MYO1B: variants seen among roughly 807,000 people sequenced by gnomAD.
MYO1B encodes the protein myosin IB.
MYO1B carries 72 observed loss-of-function variants against 159.7 expected under a neutral mutation model. The ratio of observed to expected loss-of-function variants is 0.45; its 90% CI spans 0.37 to 0.55. The LOEUF (loss-of-function observed/expected upper bound fraction) is 0.55. Among genes scored for constraint, MYO1B ranks in the 20% least tolerant of loss-of-function variants. The probability of loss-of-function intolerance (pLI) is 0.00; values close to 1 mark genes in which losing one functional copy is unlikely to be tolerated. For synonymous variants in MYO1B, 468 were observed against 473.8 expected, an observed-to-expected ratio of 0.99 and a Z score of 0.16; for missense variants, 1,062 against 1,364.8, an observed-to-expected ratio of 0.78 and a Z score of 3.50.
chr2:191,347,750 G>C lies in MYO1B; in HGVS notation c.498+1468G>C, dbSNP rs141060560. 8.8e-3 allele frequency among the ~76,000 whole-genome samples: 1,347 copies of C among 152,246 alleles called. 13 individuals carry two copies. Among genetic ancestry groups the C allele is most frequent in the African/African-American group, 0.03 (1,260 of 41,536 alleles). On this transcript the variant is annotated intron_variant, in intron 6 of 30. Transcript: ENST00000392318. ...TTCTCTGCTTTGTGGTCTGTGACTT[G>C]ACTAGTAATATACCCATGTTTTAAT... is the stretch of plus-strand genomic sequence containing the variant.
At chr2:191,356,335 T>C (rs1226698710) in intron 7 of MYO1B, among the ~76,000 whole-genome samples, 1 of 131,834 alleles carries the variant, frequency 7.6e-6, no homozygotes, top group Non-Finnish European at 1.6e-5. Flanking sequence ...AAGGCTGGGC[T>C]TCTTTTTTTT....
chr2:191,260,254 C>CTTTTTTTTTTT (rs57237733), intron 1 of MYO1B, among the ~76,000 whole-genome samples: 22,105 of 60,102 alleles, frequency 0.37, 8,411 homozygotes, highest in South Asian at 0.71. Context: ...CCCAGATAGG[C>CTTTTTTTTTTT]TTTTTTTTTT....
intron 2 of MYO1B, among the ~76,000 whole-genome samples, chr2:191,291,308 G>T (rs1211675013): frequency 6.6e-6 from 1 of 152,164 alleles, no homozygotes; most frequent in African/African-American, 2.4e-5. Context: ...TTGAAATCTA[G>T]GAAGGTCGAG....
intron 2 of MYO1B, among the ~76,000 whole-genome samples, chr2:191,281,329 G>A (rs1688046536): frequency 6.6e-6 from 1 of 152,146 alleles, no homozygotes; most frequent in South Asian, 2.1e-4. Context: ...GAGATGAGAT[G>A]GGGGAAATGC....
At chr2:191,393,033 C>T in intron 19 of MYO1B, 40 bp from the exon 20 acceptor site, 1 of 1,585,452 alleles carries the variant, frequency 6.3e-7, no homozygotes, top group South Asian at 1.1e-5. Context: ...TGTGAGGTTT[C>T]AGAGGATTTT....
At chr2:191,371,167 A>C (rs1376612053) in intron 13 of MYO1B, 1 of 152,172 alleles carries the variant, frequency 6.6e-6, no homozygotes, top group African/African-American at 2.4e-5. Context: ...TAAGAAGTAG[A>C]TCGGGCTCCT....
intron 20 of MYO1B, among the ~76,000 whole-genome samples, chr2:191,395,214 C>T (rs552703188): frequency 6.6e-6 from 1 of 152,232 alleles, no homozygotes; most frequent in South Asian, 2.1e-4. Context: ...AGCTGTTCTA[C>T]AGCTACATCT....
chr2:191,356,123 C>T (rs1693261627), intron 7 of MYO1B, among the ~76,000 whole-genome samples: 2 of 151,984 alleles, frequency 1.3e-5, no homozygotes, highest in South Asian at 4.2e-4. Flanking sequence ...CATGAAACTG[C>T]CTGTTAGAAC....
intron 7 of MYO1B, among the ~76,000 whole-genome samples, chr2:191,354,256 A>AAAT (rs71030337): frequency 0.12 from 17,597 of 143,684 alleles, 1,054 homozygotes; most frequent in East Asian, 0.16. Flanking sequence ...ACTCCGTCTT[A>AAAT]AATAATAATA....
At chr2:191,321,968 C>T (rs1690745529) in intron 3 of MYO1B, among the ~76,000 whole-genome samples, 1 of 152,130 alleles carries the variant, frequency 6.6e-6, no homozygotes, top group Non-Finnish European at 1.5e-5. Context: ...GATGACCTCA[C>T]CCCTGCTTCC....
At chr2:191,308,638 C>T (rs1689797596) in intron 3 of MYO1B, among the ~76,000 whole-genome samples, 1 of 152,136 alleles carries the variant, frequency 6.6e-6, no homozygotes, top group South Asian at 2.1e-4. Flanking sequence ...CCATTTGTTT[C>T]CTTTATTACC....
chr2:191,414,752 G>A, intron 29 of MYO1B, 83 bp downstream of exon 29: 1 of 1,453,382 alleles, frequency 6.9e-7, no homozygotes, highest in Non-Finnish European at 9.1e-7. Context: ...TCCTATCGCA[G>A]TTTATATATC....
At chr2:191,289,568 A>T (rs1169246265) in intron 2 of MYO1B, among the ~76,000 whole-genome samples, 3 of 152,212 alleles carry the variant, frequency 2.0e-5, no homozygotes, top group Admixed American at 1.3e-4. Context: ...ACTGAAATTC[A>T]TCCTGAAGAA....
At chr2:191,322,922 G>A (rs1271527488) in intron 3 of MYO1B, among the ~76,000 whole-genome samples, 1 of 152,144 alleles carries the variant, frequency 6.6e-6, no homozygotes, top group African/African-American at 2.4e-5. Flanking sequence ...TATAGACAGA[G>A]AAGCCCCAAG....
intron 1 of MYO1B, among the ~76,000 whole-genome samples, chr2:191,275,420 G>A (rs1687693315): frequency 6.6e-6 from 1 of 151,818 alleles, no homozygotes. Context: ...TATGTTTGTG[G>A]GTTCATATAA....
chr2:191,370,295 A>G lies in MYO1B; in HGVS notation c.1185+3A>G, dbSNP rs1228753832. 1.2e-6 allele frequency: 2 copies of G among 1,611,194 alleles called. No homozygotes were observed. Among genetic ancestry groups the G allele is most frequent in the Admixed American group, 3.3e-5 (2 of 59,916 alleles). On this transcript the variant is annotated splice_donor_region_variant and intron_variant, in intron 13 of 30. Transcript: ENST00000392318. ...TTTATGGCTTTGAGATTTTCGAGGT[A>G]AGATTTAAAATTTTTTTTGTATTGT...
intron 1 of MYO1B, among the ~76,000 whole-genome samples, chr2:191,266,293 T>A (rs970124310): frequency 6.6e-6 from 1 of 152,194 alleles, no homozygotes; most frequent in African/African-American, 2.4e-5. Flanking sequence ...TCTAATGAGT[T>A]TGCTCTCTCA....
At chr2:191,307,968 A>T (rs534622137) in intron 3 of MYO1B, among the ~76,000 whole-genome samples, 72 of 152,084 alleles carry the variant, frequency 4.7e-4, no homozygotes, top group Non-Finnish European at 8.7e-4. Flanking sequence ...AGATCCCTCC[A>T]TCTCCCCAAA....
chr2:191,423,410 A>G, intron 30 of MYO1B, among the ~76,000 whole-genome samples: 1 of 152,192 alleles, frequency 6.6e-6, no homozygotes, highest in Non-Finnish European at 1.5e-5. Flanking sequence ...TAGGACCCCC[A>G]TCGTATATGA....
Sources: gnomAD v4.1 joint callset for allele counts (sites outside exome capture counted in the v4.1 genomes callset) on GRCh38, gnomAD v4.1.1 for gene constraint, MANE v1.5 for transcripts, NCBI Gene and HGNC (gene_info 2026-07-23, HGNC 2026-07-21) for gene names.